The following RARB variants were observed in gnomAD, a reference collection of about 807,000 sequenced individuals.
The protein encoded by RARB is HBV-activated protein.
RARB carries 17 observed loss-of-function variants against 51.9 expected under a neutral mutation model. The ratio of observed to expected loss-of-function variants is 0.33; its 90% CI spans 0.22 to 0.49. The LOEUF (loss-of-function observed/expected upper bound fraction) is 0.49. Ranked by LOEUF, RARB falls within the 20% of genes least tolerant of loss-of-function variation. RARB has a pLI of 0.99. For synonymous variants in RARB, 215 were observed against 195.4 expected (o/e 1.10, Z -0.84); for missense variants, 369 against 550.8 (o/e 0.67, Z 3.30).
chr3:24,872,362 G>A (rs4507219), intron 2 of RARB, among the ~76,000 whole-genome samples: 3,488 of 152,208 alleles, frequency 0.023, 77 homozygotes, highest in Middle Eastern at 0.058. Context: ...CCTCATCTCT[G>A]TCAAGTCTTC....
At chr3:25,179,536 A>G (rs1457343102) in intron 5 of RARB, among the ~76,000 whole-genome samples, 2 of 152,218 alleles carry the variant, frequency 1.3e-5, no homozygotes, top group African/African-American at 4.8e-5. Context: ...GTATCCTTAC[A>G]TTGTTAAACC....
At chr3:24,998,577 C>A (rs1697092632) in intron 2 of RARB, among the ~76,000 whole-genome samples, 1 of 152,040 alleles carries the variant, frequency 6.6e-6, no homozygotes, top group Non-Finnish European at 1.5e-5. Context: ...GGCCTCAGGC[C>A]ACATGTTCTG....
intron 5 of RARB, among the ~76,000 whole-genome samples, chr3:25,339,716 G>A (rs181979711): frequency 2.0e-5 from 3 of 152,070 alleles, no homozygotes; most frequent in Non-Finnish European, 4.4e-5. Context: ...TATAGCCGTG[G>A]TTTGGATGTT....
intron 3 of RARB, among the ~76,000 whole-genome samples, chr3:25,554,427 T>C (rs2125671626): frequency 6.6e-6 from 1 of 152,178 alleles, no homozygotes; most frequent in East Asian, 1.9e-4. Flanking sequence ...AAAGAAAGTT[T>C]TACTGGGACA....
intron 3 of RARB, among the ~76,000 whole-genome samples, chr3:25,071,734 G>A (rs1362564182): frequency 6.6e-6 from 1 of 152,190 alleles, no homozygotes; most frequent in Non-Finnish European, 1.5e-5. Flanking sequence ...AGAAATTCCG[G>A]CCTTATGGTA....
chr3:25,212,171 T>G (rs1169560740), intron 5 of RARB, among the ~76,000 whole-genome samples: 6 of 152,214 alleles, frequency 3.9e-5, no homozygotes, highest in African/African-American at 1.2e-4. Context: ...CTAAACTCTA[T>G]TTTTATTTTT....
intron 3 of RARB, among the ~76,000 whole-genome samples, chr3:25,522,215 C>A (rs1698432082): frequency 6.6e-6 from 1 of 152,058 alleles, no homozygotes; most frequent in Non-Finnish European, 1.5e-5. Flanking sequence ...ATCCACTTTA[C>A]ATTTTCTAAG....
chr3:25,533,219 C>T (rs1699001650), intron 3 of RARB, among the ~76,000 whole-genome samples: 2 of 152,026 alleles, frequency 1.3e-5, no homozygotes, highest in Non-Finnish European at 2.9e-5. Context: ...GTTTATATAA[C>T]AATAATATTA....
intron 2 of RARB, among the ~76,000 whole-genome samples, chr3:24,967,881 T>C (rs935215950): frequency 1.3e-5 from 2 of 151,910 alleles, no homozygotes; most frequent in African/African-American, 4.9e-5. Context: ...GACTTTCCAA[T>C]TGTAATTGTA....
At position 25,461,284 on chromosome 3, in the gene RARB, C is replaced by G; in HGVS notation, c.249C>G (p.Val83=). 6.2e-7 allele frequency: 1 copy of G among 1,614,088 alleles called. No homozygotes were observed. Among genetic ancestry groups the G allele is most frequent in the Non-Finnish European group, 8.5e-7 (1 of 1,180,006 alleles). The change falls in exon 2 of 8, where the codon GTC becomes GTG. Residue 83 remains valine, a synonymous_variant. Transcript: ENST00000330688. The part of the protein sequence containing the change: ...PPPRVYKPCF[V]CQDKSSGYHY... ...CTCGAGTGTACAAACCCTGCTTCGT[C>G]TGCCAGGACAAATCATCAGGGTACC...
Position 25,022,824 on chromosome 3 carries a change from G to A in RARB, c.-379-37301G>A, listed in dbSNP as rs144348409. Among the ~76,000 whole-genome samples the A allele has an allele frequency of 6.3e-4, 96 of 152,298 alleles. No individual in the cohort carries two copies. In the Middle Eastern group the frequency reaches 0.021, roughly 33 times the overall value. ...GAAGCAGCATGGTGGGAAAGAGCTGGTGAAGGGAGCTAGGGTGGCTGAAAC... is the reference window on the plus strand; with the variant it reads ...GAAGCAGCATGGTGGGAAAGAGCTGATGAAGGGAGCTAGGGTGGCTGAAAC... On this transcript the variant is annotated intron_variant, in intron 2 of 11. Transcript: ENST00000383772.
At chr3:25,505,422 C>A (rs1038505101) in intron 3 of RARB, among the ~76,000 whole-genome samples, 10 of 152,060 alleles carry the variant, frequency 6.6e-5, no homozygotes, top group Non-Finnish European at 4.4e-5. Context: ...AGATGTATCC[C>A]CTAGAAAATC....
At chr3:24,943,369 G>A (rs1575083581) in intron 2 of RARB, among the ~76,000 whole-genome samples, 1 of 152,172 alleles carries the variant, frequency 6.6e-6, no homozygotes, top group East Asian at 1.9e-4. Context: ...ATCGTAAATG[G>A]AATTTGCGTG....
Position 24,952,098 on chromosome 3 carries a change from G to T in RARB, c.-380+93346G>T, listed in dbSNP as rs113102710. ...TTTTTTGAAAGTAACATTTGCAGCT[G>T]GGTGCAGTGGCTCATGCTATAATCC... On this transcript the variant is annotated intron_variant, in intron 2 of 11. Coordinates refer to the RARB transcript ENST00000383772. Among the ~76,000 whole-genome samples the T allele has an allele frequency of 6.5e-3, 991 of 152,226 alleles. 1 individual carries two copies. The highest frequency in any genetic ancestry group is 0.01 in the Non-Finnish European group (695 of 68,008).
At chr3:25,552,897 T>C (rs1253415496) in intron 3 of RARB, among the ~76,000 whole-genome samples, 1 of 152,176 alleles carries the variant, frequency 6.6e-6, no homozygotes, top group Non-Finnish European at 1.5e-5. Flanking sequence ...ACTTTAAGTA[T>C]GTCTAGATTT....
chr3:25,127,733 C>T (rs1699884834), intron 3 of RARB, among the ~76,000 whole-genome samples: 1 of 151,854 alleles, frequency 6.6e-6, no homozygotes, highest in Non-Finnish European at 1.5e-5. Context: ...CAAAATGTGC[C>T]CCGTGTTTCA....
intron 3 of RARB, among the ~76,000 whole-genome samples, chr3:25,541,169 C>T (rs933628664): frequency 1.1e-4 from 16 of 152,120 alleles, no homozygotes; most frequent in African/African-American, 3.9e-4. Context: ...TGGTATGACC[C>T]GCAGAGATCA....
chr3:24,952,715 C>A (rs1230319984), intron 2 of RARB, among the ~76,000 whole-genome samples: 3 of 152,036 alleles, frequency 2.0e-5, no homozygotes, highest in Non-Finnish European at 4.4e-5. Context: ...GCTCTCGCTC[C>A]CCCATTATCT....
intron 1 of RARB, among the ~76,000 whole-genome samples, chr3:25,446,183 G>T (rs555872226): frequency 6.6e-6 from 1 of 152,188 alleles, no homozygotes; most frequent in Admixed American, 6.5e-5. Flanking sequence ...TATTACCCAC[G>T]TCTCTGTGAC....
Sources: allele counts gnomAD v4.1 joint callset (sites outside exome capture counted in the v4.1 genomes callset), GRCh38; gene constraint gnomAD v4.1.1; transcripts MANE v1.5; gene names NCBI Gene and HGNC (gene_info 2026-07-23, HGNC 2026-07-21).